AGBL4: variants seen among roughly 807,000 people sequenced by gnomAD.
AGBL4 encodes cytosolic carboxypeptidase 6.
Under a neutral mutation model 66.4 loss-of-function variants are expected in AGBL4, and 58 were observed. The observed-to-expected ratio is 0.87, with a 90% CI of 0.71 to 1.09. AGBL4 has a LOEUF of 1.09. AGBL4 is among the 50% of genes least tolerant of loss of function. AGBL4 has a pLI of 0.00. For synonymous variants in AGBL4, 234 were observed against 222.9 expected (o/e 1.05, Z -0.44); for missense variants, 579 against 631.0 (o/e 0.92, Z 0.88).
At chr1:49,505,459 A>G (rs888250446) in intron 3 of AGBL4, among the ~76,000 whole-genome samples, 1 of 151,592 alleles carries the variant, frequency 6.6e-6, no homozygotes, top group Non-Finnish European at 1.5e-5. Context: ...GAAAGTGTTT[A>G]TCTCTCTTTC....
At chr1:48,945,648 G>A (rs1156241567) in intron 5 of AGBL4, among the ~76,000 whole-genome samples, 1 of 152,156 alleles carries the variant, frequency 6.6e-6, no homozygotes, top group African/African-American at 2.4e-5. Flanking sequence ...TCAGTTAGAA[G>A]GGGGAAAAAA....
intron 3 of AGBL4, among the ~76,000 whole-genome samples, chr1:49,367,672 T>G (rs1444725406): frequency 6.6e-6 from 1 of 152,202 alleles, no homozygotes; most frequent in Non-Finnish European, 1.5e-5. Flanking sequence ...TGAATTGTAC[T>G]GACATGATCC....
intron 4 of AGBL4, among the ~76,000 whole-genome samples, chr1:49,130,068 T>G (rs1359205537): frequency 6.6e-6 from 1 of 152,018 alleles, no homozygotes; most frequent in Non-Finnish European, 1.5e-5. Context: ...TGGCCAGTGA[T>G]GGTGAGCATT....
At chr1:48,857,055 A>G (rs1054627749) in intron 6 of AGBL4, among the ~76,000 whole-genome samples, 3 of 152,230 alleles carry the variant, frequency 2.0e-5, no homozygotes, top group Non-Finnish European at 4.4e-5. Flanking sequence ...GTTCACGTGG[A>G]CAGTTCATAT....
intron 6 of AGBL4, among the ~76,000 whole-genome samples, chr1:48,748,697 C>G (rs1198827846): frequency 2.0e-5 from 3 of 152,080 alleles, no homozygotes; most frequent in African/African-American, 7.2e-5. Flanking sequence ...ATGTGATGAT[C>G]TGCATGAATT....
At chr1:48,915,218 C>T (rs1311119135) in intron 5 of AGBL4, among the ~76,000 whole-genome samples, 1 of 152,186 alleles carries the variant, frequency 6.6e-6, no homozygotes, top group Admixed American at 6.5e-5. Flanking sequence ...ATTTCAGCCT[C>T]CATAAATCTT....
chr1:48,804,410 T>C (rs1054399886), intron 6 of AGBL4, among the ~76,000 whole-genome samples: 1 of 152,218 alleles, frequency 6.6e-6, no homozygotes, highest in African/African-American at 2.4e-5. Flanking sequence ...TCTATTTTAC[T>C]GTCTGGGAGT....
chr1:49,871,163 G>A (rs952114946), intron 1 of AGBL4, among the ~76,000 whole-genome samples: 3 of 151,818 alleles, frequency 2.0e-5, no homozygotes, highest in African/African-American at 4.8e-5. Context: ...CAGCATCTGG[G>A]CCCCTGTATT....
At chr1:48,645,074 A>G (rs191078924) in intron 8 of AGBL4, among the ~76,000 whole-genome samples, 1 of 152,360 alleles carries the variant, frequency 6.6e-6, no homozygotes, top group Admixed American at 6.5e-5. Flanking sequence ...CTCCACAGAC[A>G]TCTAGCCATC....
intron 3 of AGBL4, among the ~76,000 whole-genome samples, chr1:49,299,004 A>C (rs1462198647): frequency 2.6e-5 from 4 of 152,160 alleles, no homozygotes; most frequent in Non-Finnish European, 5.9e-5. Flanking sequence ...CAATGGATAC[A>C]ACAACAGTAA....
chr1:49,399,537 T>G (rs1645040550), intron 3 of AGBL4, among the ~76,000 whole-genome samples: 2 of 152,148 alleles, frequency 1.3e-5, no homozygotes, highest in South Asian at 2.1e-4. Context: ...ATAAGTCATT[T>G]TATCTGAGGT....
chr1:48,720,848 G>A (rs986690606), intron 6 of AGBL4, among the ~76,000 whole-genome samples: 3 of 152,042 alleles, frequency 2.0e-5, no homozygotes, highest in African/African-American at 7.2e-5. Flanking sequence ...TGGGAATGAA[G>A]GATGGAAGAA....
intron 5 of AGBL4, among the ~76,000 whole-genome samples, chr1:48,989,185 G>A (rs775759800): frequency 1.3e-5 from 2 of 151,862 alleles, no homozygotes; most frequent in Non-Finnish European, 2.9e-5. Flanking sequence ...TAAATGTACG[G>A]GTGTGTTCTT....
chr1:48,884,125 G>A (rs1650057935), intron 5 of AGBL4, among the ~76,000 whole-genome samples: 1 of 152,132 alleles, frequency 6.6e-6, no homozygotes, highest in Admixed American at 6.5e-5. Flanking sequence ...TAGCTTTTCA[G>A]CAGCCCCTAT....
At chr1:49,317,825 C>A (rs1260356975) in intron 3 of AGBL4, among the ~76,000 whole-genome samples, 1 of 152,006 alleles carries the variant, frequency 6.6e-6, no homozygotes, top group Admixed American at 6.6e-5. Flanking sequence ...AAGATGTCAG[C>A]TTCAACTAAT....
intron 4 of AGBL4, among the ~76,000 whole-genome samples, chr1:49,211,466 A>G (rs1570083749): frequency 6.6e-6 from 1 of 152,136 alleles, no homozygotes; most frequent in Admixed American, 6.6e-5. Context: ...AGGGATAACA[A>G]TCTTATAGGG....
intron 3 of AGBL4, among the ~76,000 whole-genome samples, chr1:49,618,023 C>T (rs745749676): frequency 2.6e-4 from 40 of 152,120 alleles, no homozygotes; most frequent in African/African-American, 4.1e-4. Context: ...ACACCCGACA[C>T]GCCCTGGTGT....
chr1:48,733,506 A>G (rs1022205954), intron 6 of AGBL4, among the ~76,000 whole-genome samples: 13 of 152,218 alleles, frequency 8.5e-5, no homozygotes, highest in Non-Finnish European at 2.9e-5. Context: ...AAAAGTAAAA[A>G]AATTTAAAAA....
At chr1:49,010,519 G>T (rs1429058835) in intron 5 of AGBL4, among the ~76,000 whole-genome samples, 1 of 138,190 alleles carries the variant, frequency 7.2e-6, no homozygotes, top group Non-Finnish European at 1.5e-5. Flanking sequence ...CACAGAATTG[G>T]AAAAAACTAC....
Sources: allele counts gnomAD v4.1 joint callset (sites outside exome capture counted in the v4.1 genomes callset), GRCh38; gene constraint gnomAD v4.1.1; transcripts MANE v1.5; gene names NCBI Gene and HGNC (gene_info 2026-07-23, HGNC 2026-07-21).